Variants in CRY1 observed in about 807,000 individuals in gnomAD.
CRY1 encodes the protein cryptochrome circadian regulator 1.
A neutral mutation model predicts 76.0 loss-of-function variants in CRY1; 45 were observed. The ratio of observed to expected loss-of-function variants is 0.59; its 90% CI spans 0.47 to 0.76. The LOEUF (loss-of-function observed/expected upper bound fraction) is 0.76, where lower values mean the gene tolerates loss of function less well. Ranked by LOEUF, CRY1 falls within the 30% of genes least tolerant of loss-of-function variation. The probability of loss-of-function intolerance (pLI) is 0.00; values close to 1 mark genes in which losing one functional copy is unlikely to be tolerated. For synonymous variants in CRY1, 248 were observed against 244.0 expected (o/e 1.02, Z -0.15); for missense variants, 587 against 716.4 (o/e 0.82, Z 2.06).
intron 1 of CRY1, among the ~76,000 whole-genome samples, chr12:107,079,832 T>C (rs1024725942): frequency 2.0e-5 from 3 of 152,146 alleles, no homozygotes; most frequent in African/African-American, 7.2e-5. Flanking sequence ...CTATGGCTTT[T>C]TGAACTTTAA....
chr12:107,070,666 TTTTATTTATTTA>T (rs376585116), intron 1 of CRY1, among the ~76,000 whole-genome samples: 3,497 of 139,658 alleles, frequency 0.025, 64 homozygotes, highest in Middle Eastern at 0.041. Context: ...ATTCTCTTAT[TTTTATTTATTTA>T]TTTATTTATT....
At chr12:107,049,266 A>C (rs922752689) in intron 1 of CRY1, among the ~76,000 whole-genome samples, 1 of 152,172 alleles carries the variant, frequency 6.6e-6, no homozygotes, top group Non-Finnish European at 1.5e-5. Context: ...TCACCATTGT[A>C]ATTTTCAGAA....
intron 1 of CRY1, among the ~76,000 whole-genome samples, chr12:107,064,031 C>T (rs1031039048): frequency 6.6e-6 from 1 of 152,042 alleles, no homozygotes; most frequent in African/African-American, 2.4e-5. Flanking sequence ...TGAGAGTATA[C>T]TTATTTTTTT....
At chr12:107,030,435 T>C (rs576713561) in intron 1 of CRY1, among the ~76,000 whole-genome samples, 1 of 152,338 alleles carries the variant, frequency 6.6e-6, no homozygotes, top group South Asian at 2.1e-4. Context: ...ACAGAATATG[T>C]AATAATCTAA....
chr12:107,034,566 A>G (rs1952713028), intron 1 of CRY1, among the ~76,000 whole-genome samples: 2 of 152,192 alleles, frequency 1.3e-5, no homozygotes, highest in African/African-American at 4.8e-5. Context: ...TCAGAAGCCC[A>G]TGTCTGGTAA....
In CRY1 at chr12:106,999,631, T is replaced by G. The variant is rs779963529; in HGVS notation, c.1057A>C (p.Ile353Leu). ...ACTGCATGCCTGGCTAGATGATGAA[T>G]CCAACCCTCCTGACGAAGCTGTGTC... ...IMTQLRQEGWIHHLARHAVAC... is the reference protein window; with the variant it reads ...IMTQLRQEGWLHHLARHAVAC... The change falls in exon 7 of 13, where the codon ATT becomes CTT. Residue 353 changes from isoleucine to leucine, a missense_variant. Transcript: ENST00000008527. 1.2e-6 allele frequency: 2 copies of G among 1,614,232 alleles called. No individual in the cohort carries two copies. Among genetic ancestry groups the G allele is most frequent in the Non-Finnish European group, 1.7e-6 (2 of 1,180,050 alleles).
chr12:106,994,345 A>G (rs1952210691), intron 10 of CRY1, among the ~76,000 whole-genome samples: 1 of 152,180 alleles, frequency 6.6e-6, no homozygotes, highest in South Asian at 2.1e-4. Flanking sequence ...ACCTTTCAAG[A>G]AAGTTTCTCT....
intron 3 of CRY1, among the ~76,000 whole-genome samples, chr12:107,004,630 C>T (rs990146751): frequency 6.6e-6 from 1 of 152,076 alleles, no homozygotes. Flanking sequence ...TACAGCTATG[C>T]AATGTTATAT....
At chr12:107,070,082 G>A (rs1387819289) in intron 1 of CRY1, among the ~76,000 whole-genome samples, 1 of 152,146 alleles carries the variant, frequency 6.6e-6, no homozygotes, top group Non-Finnish European at 1.5e-5. Context: ...GCATTTCTTA[G>A]TCAAACTACA....
chr12:107,072,296 C>A (rs911539543), intron 1 of CRY1, among the ~76,000 whole-genome samples: 1 of 152,146 alleles, frequency 6.6e-6, no homozygotes, highest in African/African-American at 2.4e-5. Context: ...GCTCAGGTAT[C>A]AATTATTGAC....
chr12:107,039,911 A>G (rs1448675952), intron 1 of CRY1, among the ~76,000 whole-genome samples: 3 of 152,254 alleles, frequency 2.0e-5, no homozygotes, highest in Non-Finnish European at 1.5e-5. Flanking sequence ...GAATGAATCC[A>G]AAAGAATGGA....
Position 107,092,965 on chromosome 12 carries a change from G to A in CRY1, c.-4C>T, listed in dbSNP as rs1953493289. ...AGTGCACGGCGTTCACCCCCATGCC[G>A]GGGGGCGCGGCGGGTCCTCCACGGA... On this transcript the variant is annotated 5_prime_UTR_variant, in exon 1 of 13. Coordinates refer to ENST00000008527, the MANE Select transcript of CRY1 (RefSeq NM_004075.5). The A allele has an allele frequency of 1.3e-6, 2 of 1,531,476 alleles. No homozygotes were observed. Among genetic ancestry groups the A allele is most frequent in the Admixed American group, 2.1e-5 (1 of 46,828 alleles). 94.9% of individuals were successfully genotyped at this position (1,531,476 alleles called of 1,614,324 possible).
chr12:106,999,428 A>T (rs1952274867), intron 7 of CRY1, 123 bp downstream of exon 7: 1 of 860,124 alleles, frequency 1.2e-6, no homozygotes, highest in Admixed American at 3.2e-5. Flanking sequence ...GGGGAATTAA[A>T]TGTTTTATCC....
chr12:107,087,395 C>T (rs1281133666), intron 1 of CRY1, among the ~76,000 whole-genome samples: 1 of 152,240 alleles, frequency 6.6e-6, no homozygotes, highest in Non-Finnish European at 1.5e-5. Flanking sequence ...CCCAACCAAG[C>T]CATAGAGATG....
At chr12:107,088,821 T>C (rs946150667) in intron 1 of CRY1, among the ~76,000 whole-genome samples, 5 of 152,170 alleles carry the variant, frequency 3.3e-5, no homozygotes, top group Non-Finnish European at 7.3e-5. Context: ...AGCACAGAGT[T>C]GTACAATCAT....
At chr12:107,055,670 T>C (rs1952974383) in intron 1 of CRY1, among the ~76,000 whole-genome samples, 1 of 152,046 alleles carries the variant, frequency 6.6e-6, no homozygotes, top group Non-Finnish European at 1.5e-5. Context: ...CAACCTCTGA[T>C]GAAATGTATC....
chr12:107,031,352 A>C (rs555657655), intron 1 of CRY1, among the ~76,000 whole-genome samples: 1 of 152,014 alleles, frequency 6.6e-6, no homozygotes, highest in Non-Finnish European at 1.5e-5. Flanking sequence ...CAAAAGCTTT[A>C]GTAAATAAGA....
intron 1 of CRY1, among the ~76,000 whole-genome samples, chr12:107,069,651 ATAAAG>A (rs1366390082): frequency 1.1e-3 from 146 of 135,968 alleles, no homozygotes; most frequent in African/African-American, 3.6e-3. Context: ...TAAAAAGTAT[ATAAAG>A]TATATATAAA....
chr12:107,024,719 T>C (rs557980555), intron 1 of CRY1, among the ~76,000 whole-genome samples: 2 of 152,308 alleles, frequency 1.3e-5, no homozygotes, highest in African/African-American at 2.4e-5. Flanking sequence ...CACAGAATGA[T>C]ATGGACTAAA....
Sources: gnomAD v4.1 joint callset for allele counts (sites outside exome capture counted in the v4.1 genomes callset) on GRCh38, gnomAD v4.1.1 for gene constraint, MANE v1.5 for transcripts, NCBI Gene and HGNC (gene_info 2026-07-23, HGNC 2026-07-21) for gene names.